NOL3: variants seen among roughly 807,000 people sequenced by gnomAD.
NOL3 encodes muscle-enriched cytoplasmic protein.
Under a neutral mutation model 19.2 loss-of-function variants are expected in NOL3, and 18 were observed. That is an observed-to-expected ratio of 0.94 (90% CI 0.65 to 1.39). The LOEUF (loss-of-function observed/expected upper bound fraction) is 1.39, where lower values mean the gene tolerates loss of function less well. NOL3 is among the 40% of genes most tolerant of loss of function. The pLI is 0.00. For missense variants in NOL3, 290 were observed against 289.5 expected (o/e 1.00, Z -0.01); for synonymous variants, 127 against 137.3 (o/e 0.93, Z 0.52).
At chr16:67,174,378 A>T in exon 2 of NOL3, 1 of 1,565,224 alleles carries the variant, frequency 6.4e-7, no homozygotes, top group Non-Finnish European at 8.6e-7. Flanking sequence ...GGCAAGGGCG[A>T]GGCCGCCTGC....
At chr16:67,174,629 G>T in exon 3 of NOL3, 1 of 1,533,712 alleles carries the variant, frequency 6.5e-7, no homozygotes, top group Non-Finnish European at 8.7e-7. Context: ...AGGCTACCGG[G>T]ACCGCAGCTA....
chr16:67,174,826 G>C, exon 3 of NOL3: 2 of 1,603,014 alleles, frequency 1.2e-6, no homozygotes, highest in Non-Finnish European at 1.7e-6. Flanking sequence ...AGGCTGAACC[G>C]GAGCCGGAGC....
chr16:67,174,372 A>G (rs1597254456), exon 2 of NOL3: 1 of 1,570,824 alleles, frequency 6.4e-7, no homozygotes, highest in Non-Finnish European at 8.6e-7. Context: ...GTGCAGGGCA[A>G]GGGCGAGGCC....
At chr16:67,173,759 C>A in intron 1 of NOL3, 1 of 1,005,498 alleles carries the variant, frequency 9.9e-7, no homozygotes, top group Non-Finnish European at 1.4e-6. Context: ...GGTGGGGAAG[C>A]AGATTTGAGA....
At chr16:67,174,418 C>A in exon 2 of NOL3, 1 of 1,528,448 alleles carries the variant, frequency 6.5e-7, no homozygotes, top group Non-Finnish European at 8.8e-7. Context: ...CCCAGCGTAC[C>A]GCGGGCGCGC....
At chr16:67,174,319 A>C in exon 2 of NOL3, 1 of 1,606,670 alleles carries the variant, frequency 6.2e-7, no homozygotes, top group Non-Finnish European at 8.5e-7. Flanking sequence ...CATTGGATGC[A>C]CTGCCTGATG....
At chr16:67,175,297 C>A (rs986987689) in exon 4 of NOL3, 1 of 1,420,506 alleles carries the variant, frequency 7.0e-7, no homozygotes, top group African/African-American at 1.4e-5. Flanking sequence ...GAGCATCATC[C>A]AGTCCTCAGC....
intron 1 of NOL3, among the ~76,000 whole-genome samples, chr16:67,173,161 G>A (rs1319287466): frequency 6.6e-6 from 1 of 151,898 alleles, no homozygotes; most frequent in Non-Finnish European, 1.5e-5. Flanking sequence ...TCCAAGTTCG[G>A]CAAGTATTTG....
At chr16:67,175,360 C>T in exon 4 of NOL3, 2 of 1,284,316 alleles carry the variant, frequency 1.6e-6, no homozygotes, top group East Asian at 6.0e-5. Flanking sequence ...CAAACCTAGC[C>T]CCCTAGTGGG....
At chr16:67,172,965 C>A (rs1040780733) in intron 1 of NOL3, 4 of 144,654 alleles carry the variant, frequency 2.8e-5, no homozygotes, top group Non-Finnish European at 6.0e-5. Flanking sequence ...TATAGCAAGA[C>A]CCCACCTCTA....
rs553609153 is a variant in NOL3, at chr16:67,170,785, G to A, written c.-9+211G>A. Among the ~76,000 whole-genome samples the A allele has an allele frequency of 2.0e-5, 3 of 150,404 alleles. No homozygotes were observed. Among genetic ancestry groups the A allele is most frequent in the Admixed American group, 6.5e-5 (1 of 15,270 alleles). On this transcript the variant is annotated intron_variant, in intron 1 of 3. Transcript: ENST00000268605. The surrounding 1 kb of genome is among the most constrained non-coding windows in gnomAD (Gnocchi z 5.7). ...GTGGAGGGAGGTAAGGGGCGGGGGG[G>A]GAAAATCCGTGCAGTCGCACATGCG...
exon 4 of NOL3, chr16:67,175,233 C>T (rs1431850356): frequency 6.7e-7 from 1 of 1,500,400 alleles, no homozygotes; most frequent in Non-Finnish European, 8.8e-7. Flanking sequence ...TGCCCAGGAA[C>T]TTAGGGTGGG....
In NOL3 at chr16:67,174,245, G is replaced by T. The variant is rs764161123; in HGVS notation, c.76G>T (p.Asp26Tyr). ...ACGCCTGGTCGAGACGCTGCAGGCG[G>T]ACTCGGGACTGCTGTTGGACGCGCT... The change falls in exon 2 of 4, where the codon GAC (aspartate) becomes TAC (tyrosine). Residue 26 changes from aspartate (D) to tyrosine (Y), a missense_variant. Transcript: ENST00000268605. The T allele has an allele frequency of 8.2e-5, 133 of 1,612,738 alleles. No homozygotes were observed. In the Admixed American group the frequency reaches 2.2e-3, roughly 27 times the overall value.
intron 1 of NOL3, chr16:67,173,742 C>T: frequency 1.2e-6 from 1 of 845,954 alleles, no homozygotes; most frequent in Non-Finnish European, 1.8e-6. Context: ...GTTTTTCTGC[C>T]TGGTTAGGTG....
intron 1 of NOL3, chr16:67,173,718 A>T (rs1443716968): frequency 3.0e-6 from 2 of 663,966 alleles, no homozygotes; most frequent in Admixed American, 2.9e-5. Flanking sequence ...GTGGAGTATC[A>T]GCATCAATCC....
At chr16:67,174,825 C>T (rs757396145) in exon 3 of NOL3, 11 of 1,602,834 alleles carry the variant, frequency 6.9e-6, no homozygotes, top group East Asian at 2.3e-5. Flanking sequence ...GAGGCTGAAC[C>T]GGAGCCGGAG....
chr16:67,172,927 A>C (rs1251292901), intron 1 of NOL3: 1 of 149,922 alleles, frequency 6.7e-6, no homozygotes, highest in Non-Finnish European at 1.5e-5. Context: ...CCCCGTCTCC[A>C]CTAAAATAAA....
At position 67,170,778 on chromosome 16, in the gene NOL3, C is replaced by CG. The variant is rs112551189; in HGVS notation, c.-9+212dup. Among the ~76,000 whole-genome samples, 13,974 of 148,750 alleles carry CG rather than the reference C, an allele frequency of 0.094. 949 individuals are homozygous for CG. Among genetic ancestry groups the CG allele is most frequent in the African/African-American group, 0.2 (7,748 of 39,012 alleles). On this transcript the variant is annotated intron_variant, in intron 1 of 3. Coordinates refer to ENST00000268605, the Ensembl canonical transcript of NOL3. The surrounding 1 kb of genome is among the most constrained non-coding windows in gnomAD (Gnocchi z 5.7). ...GGACTGGGTGGAGGGAGGTAAGGGG[C>CG]GGGGGGGGAAAATCCGTGCAGTCGC...
intron 1 of NOL3, chr16:67,172,974 T>TA (rs544086850): frequency 0.058 from 3,823 of 66,118 alleles, 96 homozygotes; most frequent in Admixed American, 0.094. Context: ...ACCCCACCTC[T>TA]AAAAAAAAAA....
Sources: gnomAD v4.1 joint callset for allele counts (sites outside exome capture counted in the v4.1 genomes callset) on GRCh38, gnomAD v4.1.1 for gene constraint, Gnocchi (gnomAD v3.1) non-coding constraint, MANE v1.5 for transcripts, NCBI Gene and HGNC (gene_info 2026-07-23, HGNC 2026-07-21) for gene names.